ARHGAP10: variants seen among roughly 807,000 people sequenced by gnomAD.
ARHGAP10 encodes the protein rho GTPase-activating protein 10.
ARHGAP10 carries 87 observed loss-of-function variants against 108.6 expected under a neutral mutation model. The observed-to-expected ratio is 0.80, with a 90% CI of 0.67 to 0.96. The LOEUF is 0.96. ARHGAP10 is among the 40% of genes least tolerant of loss of function. ARHGAP10 has a pLI of 0.00. For missense variants in ARHGAP10, 939 were observed against 954.5 expected, an observed-to-expected ratio of 0.98 and a Z score of 0.21; for synonymous variants, 347 against 341.1, an observed-to-expected ratio of 1.02 and a Z score of -0.19.
At position 147,784,712 on chromosome 4, in the gene ARHGAP10, TAAATA is replaced by T. The variant is rs1175261288; in HGVS notation, c.155-38014_155-38010del. Reference sequence around the variant, plus strand: ...AATATATATTATAAAATATATATTATAAATATAATATATTATAAAATATATATTAT... The same window carrying T: ...AATATATATTATAAAATATATATTATTAATATATTATAAAATATATATTAT... On this transcript the variant is annotated intron_variant, in intron 1 of 22. Coordinates refer to ENST00000336498, the MANE Select transcript of ARHGAP10 (RefSeq NM_024605.4). 2.9e-4 allele frequency among the ~76,000 whole-genome samples: 23 copies of T among 80,592 alleles called. 4 individuals carry two copies. In the South Asian group the frequency reaches 8.9e-3, roughly 31 times the overall value. The allele number at this position is 80,592 out of a possible 152,430, so 52.9% of individuals were successfully genotyped here. A position where few individuals can be genotyped will look rare whatever the true frequency, so the allele number is the denominator to read the frequency against.
At chr4:147,847,468 C>T (rs1733682758) in intron 4 of ARHGAP10, among the ~76,000 whole-genome samples, 1 of 152,182 alleles carries the variant, frequency 6.6e-6, no homozygotes, top group Admixed American at 6.5e-5. Flanking sequence ...TTTAAAAATA[C>T]CTGTAACCAA....
chr4:147,972,080 G>A (rs1266887269), intron 18 of ARHGAP10, among the ~76,000 whole-genome samples: 1 of 152,142 alleles, frequency 6.6e-6, no homozygotes, highest in Non-Finnish European at 1.5e-5. Flanking sequence ...AGTTCAGTTT[G>A]TCACATGGTG....
At chr4:147,923,473 C>T (rs956556964) in intron 13 of ARHGAP10, among the ~76,000 whole-genome samples, 1 of 152,066 alleles carries the variant, frequency 6.6e-6, no homozygotes, top group Non-Finnish European at 1.5e-5. Flanking sequence ...ATTTGGATGC[C>T]ACTTTTGTTT....
chr4:147,822,657 G>A, intron 1 of ARHGAP10, 70 bp from the exon 2 acceptor site: 1 of 1,461,204 alleles, frequency 6.8e-7, no homozygotes, highest in Non-Finnish European at 9.6e-7. Flanking sequence ...CCAATTTTAG[G>A]AAGAATAAAT....
At chr4:147,821,637 T>C (rs1732501660) in intron 1 of ARHGAP10, among the ~76,000 whole-genome samples, 1 of 152,190 alleles carries the variant, frequency 6.6e-6, no homozygotes, top group South Asian at 2.1e-4. Context: ...AGGGGCTATA[T>C]GGGGAGCCTT....
chr4:147,920,477 A>G (rs1326767023), intron 13 of ARHGAP10, among the ~76,000 whole-genome samples: 1 of 152,106 alleles, frequency 6.6e-6, no homozygotes, highest in Non-Finnish European at 1.5e-5. Flanking sequence ...AGTCCCAAAG[A>G]AAATAGCAGA....
At chr4:148,039,368 A>ATTTTTTTTTTTTTTTTT (rs34876546) in intron 19 of ARHGAP10, among the ~76,000 whole-genome samples, 12 of 73,090 alleles carry the variant, frequency 1.6e-4, no homozygotes, top group East Asian at 1.3e-3. Context: ...TACTACTTCA[A>ATTTTTTTTTTTTTTTTT]TTTTTTTTTT....
chr4:147,851,822 A>G (rs952596961), intron 4 of ARHGAP10, among the ~76,000 whole-genome samples: 3 of 152,196 alleles, frequency 2.0e-5, no homozygotes, highest in African/African-American at 7.2e-5. Flanking sequence ...AAGTGCTGTA[A>G]TAGCGGTAAG....
rs542827904 is a variant in ARHGAP10, at chr4:147,874,841, T to C, written c.703-180T>C. Among the ~76,000 whole-genome samples, 3 of 152,308 alleles carry C rather than the reference T, an allele frequency of 2.0e-5. No homozygotes were observed. In the South Asian group the frequency reaches 6.2e-4, roughly 32 times the overall value. On this transcript the variant is annotated intron_variant, in intron 7 of 22. Transcript: ENST00000336498. ...TGGTAGCTATTTTACTGCTATTTTT[T>C]TTTCTTTGCACATGAATCTCAGGAG...
chr4:148,046,352 T>G (rs888421284), intron 19 of ARHGAP10, among the ~76,000 whole-genome samples: 3 of 152,222 alleles, frequency 2.0e-5, no homozygotes, highest in Non-Finnish European at 4.4e-5. Flanking sequence ...CTCCCTGATA[T>G]CCAAAGGGAA....
intron 5 of ARHGAP10, 51 bp downstream of exon 5, chr4:147,857,705 A>G (rs762171398): frequency 2.8e-5 from 38 of 1,335,766 alleles, no homozygotes; most frequent in Non-Finnish European, 3.6e-5. Context: ...TAAGCAATAC[A>G]TGTCTTTTAA....
At chr4:147,897,110 A>G (rs1288235732) in intron 10 of ARHGAP10, among the ~76,000 whole-genome samples, 2 of 152,038 alleles carry the variant, frequency 1.3e-5, no homozygotes, top group African/African-American at 4.8e-5. Flanking sequence ...CTGTTCGTAC[A>G]GCATGTCTTT....
chr4:147,965,167 T>G, intron 17 of ARHGAP10, 38 bp downstream of exon 17: 1 of 1,516,566 alleles, frequency 6.6e-7, no homozygotes, highest in Non-Finnish European at 9.1e-7. Context: ...TTCTTCACTT[T>G]GCTCTAGGTG....
chr4:147,892,934 G>A (rs962396064), intron 10 of ARHGAP10, among the ~76,000 whole-genome samples: 6 of 152,324 alleles, frequency 3.9e-5, no homozygotes, highest in South Asian at 2.1e-4. Flanking sequence ...CCAGGGCACA[G>A]GGCAGGCTTC....
chr4:147,919,833 G>C (rs1204056468), intron 13 of ARHGAP10, among the ~76,000 whole-genome samples: 1 of 152,056 alleles, frequency 6.6e-6, no homozygotes, highest in Non-Finnish European at 1.5e-5. Context: ...ACCCTCCTCT[G>C]CCTCTCAAAG....
chr4:148,010,521 C>G (rs544940319), intron 18 of ARHGAP10, among the ~76,000 whole-genome samples: 1 of 152,162 alleles, frequency 6.6e-6, no homozygotes, highest in East Asian at 1.9e-4. Flanking sequence ...TTACAATAAA[C>G]ATTGTATACC....
chr4:148,030,535 T>C (rs1728099967), intron 19 of ARHGAP10, among the ~76,000 whole-genome samples: 1 of 152,226 alleles, frequency 6.6e-6, no homozygotes, highest in Non-Finnish European at 1.5e-5. Context: ...TCCAAGTGAC[T>C]TCTGTTGCTC....
chr4:147,877,819 C>CTTTTTTTTTTTTTTTTTTTTTTTTT (rs549355620), intron 8 of ARHGAP10, among the ~76,000 whole-genome samples: 6 of 131,492 alleles, frequency 4.6e-5, no homozygotes, highest in African/African-American at 1.6e-4. Flanking sequence ...ATTCTTCATA[C>CTTTTTTTTTTTTTTTTTTTTTTTTT]TTTTTTTTTT....
intron 19 of ARHGAP10, among the ~76,000 whole-genome samples, chr4:148,027,870 G>A (rs1397432145): frequency 2.0e-5 from 3 of 152,080 alleles, no homozygotes; most frequent in Non-Finnish European, 4.4e-5. Context: ...AATTCTAAAC[G>A]ATGGAATGCT....
Sources: gnomAD v4.1 joint callset for allele counts (sites outside exome capture counted in the v4.1 genomes callset) on GRCh38, gnomAD v4.1.1 for gene constraint, MANE v1.5 for transcripts, NCBI Gene and HGNC (gene_info 2026-07-23, HGNC 2026-07-21) for gene names.